The following NIPBL variants were observed in gnomAD, a reference collection of about 807,000 sequenced individuals.
The protein encoded by NIPBL is NIPBL cohesin loading factor.
A neutral mutation model predicts 321.8 loss-of-function variants in NIPBL; 19 were observed. The observed-to-expected ratio is 0.06, with a 90% CI of 0.04 to 0.09. The LOEUF (loss-of-function observed/expected upper bound fraction) is 0.09, where lower values mean the gene tolerates loss of function less well. Ranked by LOEUF, NIPBL falls within the 10% of genes least tolerant of loss-of-function variation. NIPBL has a pLI of 1.00. For missense variants in NIPBL, 2,210 were observed against 3,327.0 expected, an observed-to-expected ratio of 0.66 and a Z score of 8.26; for synonymous variants, 1,106 against 1,114.1, an observed-to-expected ratio of 0.99 and a Z score of 0.14.
chr5:36,968,282 A>G (rs1288275358), intron 6 of NIPBL, among the ~76,000 whole-genome samples: 4 of 152,054 alleles, frequency 2.6e-5, no homozygotes, highest in East Asian at 1.9e-4. Flanking sequence ...ACTTCCATTC[A>G]TGACATTTAA....
intron 1 of NIPBL, among the ~76,000 whole-genome samples, chr5:36,897,065 C>A (rs150373323): frequency 0.014 from 2,096 of 151,252 alleles, 55 homozygotes; most frequent in African/African-American, 0.049. Flanking sequence ...TGCAATGGCA[C>A]GATCTTGGCT....
chr5:37,026,471 G>C, intron 31 of NIPBL, 144 bp downstream of exon 31: 1 of 680,582 alleles, frequency 1.5e-6, no homozygotes, highest in South Asian at 1.6e-5. Flanking sequence ...TATTTCTGGA[G>C]ATGCTGAAGG....
Position 37,063,881 on chromosome 5 carries a change from C to T in NIPBL, c.7952C>T (p.Thr2651Ile). 6.2e-7 allele frequency: 1 copy of T among 1,614,012 alleles called. No homozygotes were observed. The highest frequency in any genetic ancestry group is 8.5e-7 in the Non-Finnish European group (1 of 1,179,984). The change falls in exon 46 of 47, where the codon ACC (threonine) becomes ATC (isoleucine). Residue 2651 changes from threonine (T) to isoleucine (I), a missense_variant. By Grantham distance (89) the Thr-to-Ile change is moderately conservative (BLOSUM62 -1). Coordinates refer to ENST00000282516, the MANE Select transcript of NIPBL (RefSeq NM_133433.4). ...ASTNARNKAI[T>I]SLLGGGSPKN... ...ACAAATGCTCGGAACAAAGCAATTA[C>T]CTCACTGCTTGGAGGAGGCAGCCCT... is the stretch of plus-strand genomic sequence containing the variant.
intron 31 of NIPBL, 94 bp downstream of exon 31, chr5:37,026,421 T>C: frequency 4.0e-6 from 3 of 756,564 alleles, no homozygotes; most frequent in Non-Finnish European, 7.1e-6. Context: ...AATGAGATAT[T>C]TCATTAATCT....
chr5:37,013,269 C>T (rs1748433162), intron 21 of NIPBL, among the ~76,000 whole-genome samples: 1 of 150,360 alleles, frequency 6.7e-6, no homozygotes. Context: ...CCTCACCTCG[C>T]GGATGGGGCG....
intron 1 of NIPBL, among the ~76,000 whole-genome samples, chr5:36,923,041 A>C (rs977495860): frequency 6.6e-6 from 1 of 152,066 alleles, no homozygotes; most frequent in Non-Finnish European, 1.5e-5. Flanking sequence ...GTAATCCCAG[A>C]ACTTTGGGAG....
At chr5:36,918,849 C>T (rs1424233905) in intron 1 of NIPBL, among the ~76,000 whole-genome samples, 1 of 152,014 alleles carries the variant, frequency 6.6e-6, no homozygotes, top group Non-Finnish European at 1.5e-5. Context: ...GTATGTTGAA[C>T]CAGTCTTGCA....
At chr5:36,940,602 G>A (rs1738958512) in intron 1 of NIPBL, among the ~76,000 whole-genome samples, 1 of 151,886 alleles carries the variant, frequency 6.6e-6, no homozygotes, top group Admixed American at 6.6e-5. Context: ...CTCCCCAAAC[G>A]TAAGTTTAGT....
chr5:36,918,379 C>T (rs1748645452), intron 1 of NIPBL, among the ~76,000 whole-genome samples: 1 of 152,074 alleles, frequency 6.6e-6, no homozygotes, highest in Admixed American at 6.6e-5. Context: ...GATTTTGTAT[C>T]CTGAGACTTT....
intron 21 of NIPBL, among the ~76,000 whole-genome samples, chr5:37,013,402 C>A (rs575835708): frequency 6.6e-6 from 1 of 152,050 alleles, no homozygotes; most frequent in Non-Finnish European, 1.5e-5. Context: ...ACGCTCCTCA[C>A]TTCCCAGACA....
chr5:36,877,034 C>T lies in NIPBL; in HGVS notation c.-224C>T, dbSNP rs999561358. 1 of 361,924 alleles carries T rather than the reference C, an allele frequency of 2.8e-6. No individual in the cohort carries two copies. The allele number at this position is 361,924 out of a possible 1,614,324, so 22.4% of individuals were successfully genotyped here. A position where few individuals can be genotyped will look rare whatever the true frequency, so the allele number is the denominator to read the frequency against. The stretch of plus-strand genomic sequence containing the variant: ...AAGAAGAAGCAACGATTTGTCTTCT[C>T]GGCTGGTCTCCCCCCGGCTCTACAT... On this transcript the variant is annotated 5_prime_UTR_variant, in exon 1 of 47. Coordinates refer to ENST00000282516, the MANE Select transcript of NIPBL (RefSeq NM_133433.4).
At chr5:37,025,914 ACTT>A (rs1222788435) in intron 30 of NIPBL, among the ~76,000 whole-genome samples, 1 of 152,114 alleles carries the variant, frequency 6.6e-6, no homozygotes, top group Non-Finnish European at 1.5e-5. Flanking sequence ...CACTGTAACA[ACTT>A]CTTCTCCAAA....
In NIPBL at chr5:37,066,022, T is replaced by C. The variant is rs1755320668; in HGVS notation, c.*1130T>C. The C allele has an allele frequency of 6.6e-6, 1 of 152,206 alleles. No homozygotes were observed. Among genetic ancestry groups the C allele is most frequent in the Admixed American group, 6.5e-5 (1 of 15,280 alleles). The allele number at this position is 152,206 out of a possible 1,614,324, so 9.4% of individuals were successfully genotyped here. On this transcript the variant is annotated 3_prime_UTR_variant, in exon 47 of 47. Coordinates refer to ENST00000282516, the MANE Select transcript of NIPBL (RefSeq NM_133433.4). ...ACATTTTTCACAAATTATTTTTTAATGCTGAAAAGAGTAATTTTACTTGTT... is the reference window on the plus strand; with the variant it reads ...ACATTTTTCACAAATTATTTTTTAACGCTGAAAAGAGTAATTTTACTTGTT...
At chr5:36,927,688 A>G (rs1749468672) in intron 1 of NIPBL, among the ~76,000 whole-genome samples, 1 of 152,238 alleles carries the variant, frequency 6.6e-6, no homozygotes, top group Non-Finnish European at 1.5e-5. Context: ...AGAACAGTAT[A>G]AGGAATTTAT....
intron 9 of NIPBL, among the ~76,000 whole-genome samples, chr5:36,983,773 T>C (rs1744410685): frequency 6.6e-6 from 1 of 152,032 alleles, no homozygotes; most frequent in Non-Finnish European, 1.5e-5. Context: ...ATGTTAAAAA[T>C]ACCTTCACAT....
At chr5:37,010,311 C>CT (rs1005849836) in intron 21 of NIPBL, 86 bp downstream of exon 21, 1,285 of 1,122,908 alleles carry the variant, frequency 1.1e-3, no homozygotes, top group Middle Eastern at 1.4e-3. Flanking sequence ...AACTGAAGTT[C>CT]TTTTTTTTTC....
At chr5:36,906,901 C>T (rs1236874162) in intron 1 of NIPBL, among the ~76,000 whole-genome samples, 4 of 152,150 alleles carry the variant, frequency 2.6e-5, no homozygotes, top group Non-Finnish European at 4.4e-5. Context: ...ACAGGAGTTT[C>T]TTCTTCCCAG....
intron 1 of NIPBL, among the ~76,000 whole-genome samples, chr5:36,927,752 G>A (rs992465519): frequency 6.6e-6 from 1 of 152,184 alleles, no homozygotes; most frequent in African/African-American, 2.4e-5. Context: ...ATATCAAATA[G>A]GCAGTTGGAT....
intron 20 of NIPBL, among the ~76,000 whole-genome samples, chr5:37,009,250 A>G (rs1464441552): frequency 6.6e-6 from 1 of 152,142 alleles, no homozygotes; most frequent in Non-Finnish European, 1.5e-5. Flanking sequence ...AAAAAAATAA[A>G]AAACAGAAAG....
Sources: allele counts gnomAD v4.1 joint callset (sites outside exome capture counted in the v4.1 genomes callset), GRCh38; gene constraint gnomAD v4.1.1; transcripts MANE v1.5; gene names NCBI Gene and HGNC (gene_info 2026-07-23, HGNC 2026-07-21).